Variants in CCDC91 observed in about 807,000 individuals in gnomAD.
CCDC91 encodes coiled-coil domain-containing protein 91.
CCDC91 carries 48 observed loss-of-function variants against 63.2 expected under a neutral mutation model. The ratio of observed to expected loss-of-function variants is 0.76; its 90% CI spans 0.60 to 0.97. The LOEUF (loss-of-function observed/expected upper bound fraction) is 0.97. Ranked by LOEUF, CCDC91 falls within the 50% of genes least tolerant of loss-of-function variation. The probability of loss-of-function intolerance (pLI) is 0.00; values close to 1 mark genes in which losing one functional copy is unlikely to be tolerated. For synonymous variants in CCDC91, 167 were observed against 165.8 expected (o/e 1.01, Z -0.06); for missense variants, 500 against 494.6 (o/e 1.01, Z -0.10).
intron 1 of CCDC91, among the ~76,000 whole-genome samples, chr12:28,194,651 G>C (rs1464192912): frequency 6.6e-6 from 1 of 152,104 alleles, no homozygotes; most frequent in African/African-American, 2.4e-5. Context: ...CATTCCTCCT[G>C]GTGGGTTTGT....
chr12:28,320,366 A>G (rs1203750391), intron 6 of CCDC91, among the ~76,000 whole-genome samples: 1 of 151,918 alleles, frequency 6.6e-6, no homozygotes, highest in Non-Finnish European at 1.5e-5. Flanking sequence ...GTTTTCGACA[A>G]GTGCTTAGTG....
intron 12 of CCDC91, among the ~76,000 whole-genome samples, chr12:28,495,846 A>G (rs1952250960): frequency 6.6e-6 from 1 of 151,678 alleles, no homozygotes; most frequent in Non-Finnish European, 1.5e-5. Flanking sequence ...TCTTGCCTTC[A>G]GTGGTCACTT....
chr12:28,283,406 C>T (rs1480937057), intron 3 of CCDC91, among the ~76,000 whole-genome samples: 1 of 151,662 alleles, frequency 6.6e-6, no homozygotes, highest in Non-Finnish European at 1.5e-5. Flanking sequence ...TTTGTTGTTC[C>T]TGTGTAGATG....
chr12:28,481,294 A>T (rs1488677435), intron 11 of CCDC91, among the ~76,000 whole-genome samples: 1 of 151,982 alleles, frequency 6.6e-6, no homozygotes, highest in East Asian at 1.9e-4. Context: ...TAGTGGGTAG[A>T]TACTCGGTAT....
chr12:28,444,095 G>A (rs988034026), intron 8 of CCDC91, among the ~76,000 whole-genome samples: 2 of 152,130 alleles, frequency 1.3e-5, no homozygotes, highest in African/African-American at 4.8e-5. Flanking sequence ...CTGAATGATA[G>A]CACAGTAAAT....
intron 3 of CCDC91, among the ~76,000 whole-genome samples, chr12:28,293,592 G>C (rs1485744582): frequency 6.6e-6 from 1 of 152,152 alleles, no homozygotes; most frequent in Non-Finnish European, 1.5e-5. Context: ...ATGATAGACT[G>C]TTGTTGGTAT....
At chr12:28,290,544 T>C (rs1949183861) in intron 3 of CCDC91, among the ~76,000 whole-genome samples, 1 of 152,200 alleles carries the variant, frequency 6.6e-6, no homozygotes, top group Non-Finnish European at 1.5e-5. Context: ...GATTCTGTCA[T>C]CATGATGTTA....
intron 8 of CCDC91, among the ~76,000 whole-genome samples, chr12:28,420,536 G>A (rs1592622238): frequency 6.6e-6 from 1 of 152,200 alleles, no homozygotes; most frequent in Non-Finnish European, 1.5e-5. Context: ...ATAAGACACA[G>A]TCCTTACCCT....
chr12:28,534,941 G>C (rs1197495786), intron 12 of CCDC91, among the ~76,000 whole-genome samples: 2 of 151,966 alleles, frequency 1.3e-5, no homozygotes, highest in African/African-American at 2.4e-5. Flanking sequence ...CTATATTTTT[G>C]GTAAAGTTTG....
chr12:28,196,962 T>G (rs554487684), intron 1 of CCDC91, among the ~76,000 whole-genome samples: 1 of 152,316 alleles, frequency 6.6e-6, no homozygotes, highest in African/African-American at 2.4e-5. Context: ...TATATGGATA[T>G]GCCCATCATT....
chr12:28,436,247 C>T (rs1294556587), intron 8 of CCDC91, among the ~76,000 whole-genome samples: 1 of 151,434 alleles, frequency 6.6e-6, no homozygotes, highest in Admixed American at 6.6e-5. Context: ...TTTCATCAAA[C>T]TTATCAAATC....
At chr12:28,460,652 T>G (rs1365369036) in intron 11 of CCDC91, among the ~76,000 whole-genome samples, 2 of 152,024 alleles carry the variant, frequency 1.3e-5, no homozygotes, top group Non-Finnish European at 2.9e-5. Flanking sequence ...GCAGGAAACC[T>G]TGTCAAATAC....
intron 7 of CCDC91, among the ~76,000 whole-genome samples, chr12:28,386,250 T>G (rs1473767262): frequency 6.6e-6 from 1 of 152,200 alleles, no homozygotes; most frequent in Non-Finnish European, 1.5e-5. Context: ...CAGGGATCAT[T>G]ACTTACCAAG....
intron 12 of CCDC91, among the ~76,000 whole-genome samples, chr12:28,519,464 G>A (rs1344791232): frequency 1.3e-5 from 2 of 151,908 alleles, no homozygotes; most frequent in African/African-American, 4.8e-5. Flanking sequence ...GTCTGGAGGA[G>A]TCTTTAGGGT....
intron 3 of CCDC91, among the ~76,000 whole-genome samples, chr12:28,294,638 G>A (rs1184398355): frequency 6.6e-6 from 1 of 151,940 alleles, no homozygotes; most frequent in African/African-American, 2.4e-5. Flanking sequence ...AGGCTGGAGT[G>A]CAGTGGCACG....
intron 11 of CCDC91, among the ~76,000 whole-genome samples, chr12:28,465,491 G>C (rs767665366): frequency 6.6e-5 from 10 of 152,170 alleles, no homozygotes; most frequent in Non-Finnish European, 1.2e-4. Context: ...AACTTCATTT[G>C]TTTGGGAGAA....
chr12:28,320,682 C>T (rs1050125629), intron 6 of CCDC91, among the ~76,000 whole-genome samples: 1 of 151,730 alleles, frequency 6.6e-6, no homozygotes, highest in African/African-American at 2.4e-5. Context: ...AGTGTCTCAA[C>T]CAGACAGTTA....
At chr12:28,191,568 A>G (rs1039848285) in intron 1 of CCDC91, among the ~76,000 whole-genome samples, 3 of 152,102 alleles carry the variant, frequency 2.0e-5, no homozygotes, top group African/African-American at 4.8e-5. Flanking sequence ...AGCAGTTTGC[A>G]TGTTGCGTGG....
chr12:28,502,719 T>G (rs1325256821), intron 12 of CCDC91, among the ~76,000 whole-genome samples: 1 of 151,540 alleles, frequency 6.6e-6, no homozygotes, highest in Non-Finnish European at 1.5e-5. Flanking sequence ...AGCATGGTAC[T>G]GGTACCAAAA....
Sources: allele counts gnomAD v4.1 joint callset (sites outside exome capture counted in the v4.1 genomes callset), GRCh38; gene constraint gnomAD v4.1.1; transcripts MANE v1.5; gene names NCBI Gene and HGNC (gene_info 2026-07-23, HGNC 2026-07-21).